AFAP1: variants seen among roughly 807,000 people sequenced by gnomAD.
AFAP1 encodes actin filament associated protein 1, also known as actin filament-associated protein 1.
Under a neutral mutation model 93.9 loss-of-function variants are expected in AFAP1, and 75 were observed. That is an observed-to-expected ratio of 0.80 (90% CI 0.66 to 0.97). AFAP1 has a LOEUF of 0.97. AFAP1 is among the 50% of genes least tolerant of loss of function. The probability of loss-of-function intolerance (pLI) is 0.00; values close to 1 mark genes in which losing one functional copy is unlikely to be tolerated. For synonymous variants in AFAP1, 517 were observed against 430.7 expected (o/e 1.20, Z -2.48); for missense variants, 1,201 against 1,050.8 (o/e 1.14, Z -1.98).
chr4:7,777,330 C>T (rs1716239059), intron 14 of AFAP1: 1 of 152,236 alleles, frequency 6.6e-6, no homozygotes, highest in South Asian at 2.1e-4. Context: ...TCCAACCTAT[C>T]TGGTCAACAC....
At position 7,768,943 on chromosome 4, in the gene AFAP1, G is replaced by T. The variant is rs367769936; in HGVS notation, c.2319C>A (p.Thr773=). The T allele has an allele frequency of 1.2e-6, 2 of 1,613,804 alleles. No homozygotes were observed. Among genetic ancestry groups the T allele is most frequent in the Non-Finnish European group, 1.7e-6 (2 of 1,179,834 alleles). The part of the protein sequence containing the change: ...SPISSCDTSD[T]EGPVPVNSAA... Reference sequence around the variant, plus strand: ...CGCTGTTCACCGGCACGGGGCCCTCGGTGTCACTGGTGTCACAGCTGGAGA... The same window carrying T: ...CGCTGTTCACCGGCACGGGGCCCTCTGTGTCACTGGTGTCACAGCTGGAGA... The change falls in exon 17 of 18, where the codon ACC becomes ACA. Residue 773 remains threonine, a synonymous_variant. Transcript: ENST00000420658.
rs79697321 is a variant in AFAP1, at chr4:7,852,281, C to T, written c.334+3185G>A. ...CAGTGACCCACTAACAAAATGCTTG[C>T]TTTCCTTCCCTAAAATGCTGGACTG... On this transcript the variant is annotated intron_variant, in intron 4 of 17. Coordinates refer to ENST00000420658, the MANE Select transcript of AFAP1 (RefSeq NM_001134647.2). Among the ~76,000 whole-genome samples, 885 of 152,318 alleles carry T rather than the reference C, an allele frequency of 5.8e-3. 6 individuals carry two copies. The highest frequency in any genetic ancestry group is 0.019 in the African/African-American group (778 of 41,586).
At chr4:7,805,441 T>C (rs915994166) in intron 9 of AFAP1, among the ~76,000 whole-genome samples, 1 of 152,188 alleles carries the variant, frequency 6.6e-6, no homozygotes, top group Admixed American at 6.5e-5. Flanking sequence ...TTGCATTTAC[T>C]GTGCCTTGGA....
intron 11 of AFAP1, among the ~76,000 whole-genome samples, chr4:7,789,174 G>A (rs943047750): frequency 1.3e-5 from 2 of 152,170 alleles, no homozygotes; most frequent in African/African-American, 2.4e-5. Flanking sequence ...GCCTGAGGTC[G>A]CAACTAAACA....
chr4:7,859,777 G>A (rs949674735), intron 3 of AFAP1, among the ~76,000 whole-genome samples: 1 of 152,074 alleles, frequency 6.6e-6, no homozygotes, highest in East Asian at 1.9e-4. Context: ...AGTACTGGCC[G>A]TAATTTTAAT....
intron 6 of AFAP1, among the ~76,000 whole-genome samples, chr4:7,834,283 C>G (rs1443859644): frequency 3.3e-5 from 5 of 152,128 alleles, no homozygotes; most frequent in Admixed American, 3.3e-4. Context: ...GGGAGCTAAG[C>G]TATGAGGATG....
chr4:7,858,574 A>G (rs62289318), intron 3 of AFAP1, among the ~76,000 whole-genome samples: 14,223 of 152,174 alleles, frequency 0.093, 866 homozygotes, highest in East Asian at 0.25. Flanking sequence ...TGAGAGCACA[A>G]TTAATGGAAT....
At chr4:7,839,263 G>C (rs1321656352) in intron 5 of AFAP1, among the ~76,000 whole-genome samples, 1 of 152,046 alleles carries the variant, frequency 6.6e-6, no homozygotes, top group African/African-American at 2.4e-5. Context: ...TTGAGCCTGG[G>C]AGCCCGAGGC....
Position 7,778,731 on chromosome 4 carries a change from C to A in AFAP1, c.1897+31G>T, listed in dbSNP as rs372012578. On this transcript the variant is annotated intron_variant, in intron 14 of 17. Coordinates refer to ENST00000420658, the MANE Select transcript of AFAP1 (RefSeq NM_001134647.2). ...CAGCTCCACCAAGTGCACTTGAAGC[C>A]GGAATGCAAGACATCCGATGGTATA... is the stretch of plus-strand genomic sequence containing the variant. The A allele has an allele frequency of 4.9e-5, 79 of 1,600,450 alleles. No individual in the cohort carries two copies. In the African/African-American group the frequency reaches 7.6e-4, roughly 15 times the overall value.
chr4:7,838,110 A>C (rs1712530723), intron 6 of AFAP1, among the ~76,000 whole-genome samples: 1 of 152,242 alleles, frequency 6.6e-6, no homozygotes, highest in South Asian at 2.1e-4. Context: ...CTCAGGGAAG[A>C]AGGAGAAATG....
chr4:7,833,531 A>G (rs1015303672), intron 6 of AFAP1, among the ~76,000 whole-genome samples: 3 of 151,928 alleles, frequency 2.0e-5, no homozygotes, highest in Admixed American at 2.0e-4. Flanking sequence ...GAACACTTCT[A>G]CACTGCTGGT....
intron 1 of AFAP1, among the ~76,000 whole-genome samples, chr4:7,908,933 A>T (rs1719576715): frequency 1.3e-5 from 2 of 148,406 alleles, no homozygotes; most frequent in Non-Finnish European, 3.0e-5. Context: ...CCAAACAAAC[A>T]AAGCTCCAAC....
chr4:7,793,922 A>G (rs1718138853), intron 10 of AFAP1, 96 bp from the exon 11 acceptor site: 2 of 1,284,770 alleles, frequency 1.6e-6, no homozygotes, highest in South Asian at 4.5e-5. Flanking sequence ...AGGAAAGGCG[A>G]TGAAACATGA....
intron 1 of AFAP1, among the ~76,000 whole-genome samples, chr4:7,907,244 C>T (rs1560230681): frequency 6.6e-6 from 1 of 152,170 alleles, no homozygotes; most frequent in Non-Finnish European, 1.5e-5. Context: ...TATAGGACCA[C>T]TTACCCCTCA....
intron 1 of AFAP1, among the ~76,000 whole-genome samples, chr4:7,905,966 C>G (rs1309283620): frequency 6.6e-6 from 1 of 152,238 alleles, no homozygotes; most frequent in Admixed American, 6.5e-5. Context: ...GAGACACCCC[C>G]ACGCACAAGG....
chr4:7,847,985 C>T (rs761165447), intron 4 of AFAP1, among the ~76,000 whole-genome samples: 8 of 151,412 alleles, frequency 5.3e-5, no homozygotes, highest in Non-Finnish European at 8.8e-5. Flanking sequence ...AGGAGATTGA[C>T]AGATTAGATA....
intron 9 of AFAP1, among the ~76,000 whole-genome samples, chr4:7,807,044 G>C (rs984772385): frequency 6.6e-6 from 1 of 152,162 alleles, no homozygotes; most frequent in South Asian, 2.1e-4. Context: ...TTCTCAGCTC[G>C]CTGTGTGGCT....
chr4:7,929,671 C>G (rs914119311), intron 1 of AFAP1, among the ~76,000 whole-genome samples: 3 of 152,246 alleles, frequency 2.0e-5, no homozygotes, highest in Non-Finnish European at 4.4e-5. Flanking sequence ...GCTCAGTGCA[C>G]AGCTGCCTCT....
chr4:7,763,996 A>G (rs546781203), intron 17 of AFAP1, among the ~76,000 whole-genome samples: 67 of 152,238 alleles, frequency 4.4e-4, no homozygotes, highest in Non-Finnish European at 7.8e-4. Flanking sequence ...CAGATACCAC[A>G]CACCCCGTTC....
Sources: gnomAD v4.1 joint callset for allele counts (sites outside exome capture counted in the v4.1 genomes callset) on GRCh38, gnomAD v4.1.1 for gene constraint, MANE v1.5 for transcripts, NCBI Gene and HGNC (gene_info 2026-07-23, HGNC 2026-07-21) for gene names.